CTNNA2: variants seen among roughly 807,000 people sequenced by gnomAD.
CTNNA2 encodes catenin alpha-2.
In CTNNA2, 42 loss-of-function variants were observed where a neutral mutation model predicts 101.0. The ratio of observed to expected loss-of-function variants is 0.42; its 90% CI spans 0.32 to 0.54. CTNNA2 has a LOEUF of 0.54. Among genes scored for constraint, CTNNA2 ranks in the 20% least tolerant of loss-of-function variants. The pLI is 0.14. For missense variants in CTNNA2, 871 were observed against 1,223.1 expected (o/e 0.71, Z 4.29); for synonymous variants, 450 against 456.4 (o/e 0.99, Z 0.18).
intron 8 of CTNNA2, among the ~76,000 whole-genome samples, chr2:80,404,009 G>T (rs113889845): frequency 0.043 from 6,609 of 152,192 alleles, 499 homozygotes; most frequent in African/African-American, 0.15. Context: ...TGTTTGGTTT[G>T]CCAGTATTTT....
At chr2:79,485,163 A>G (rs2104559407) in intron 4 of CTNNA2, among the ~76,000 whole-genome samples, 1 of 152,266 alleles carries the variant, frequency 6.6e-6, no homozygotes, top group African/African-American at 2.4e-5. Context: ...TTTTTTCAAA[A>G]GATCTATTTA....
At chr2:79,604,411 G>A (rs1396364789) in intron 1 of CTNNA2, among the ~76,000 whole-genome samples, 2 of 152,210 alleles carry the variant, frequency 1.3e-5, no homozygotes, top group Admixed American at 1.3e-4. Flanking sequence ...ACTAGACTGA[G>A]GGAGTTTTCG....
intron 9 of CTNNA2, among the ~76,000 whole-genome samples, chr2:80,421,973 C>T (rs980587562): frequency 6.6e-6 from 1 of 152,068 alleles, no homozygotes; most frequent in Non-Finnish European, 1.5e-5. Flanking sequence ...AATTCAGTTA[C>T]TAATTCTAAA....
intron 7 of CTNNA2, among the ~76,000 whole-genome samples, chr2:80,383,808 A>G (rs1676741010): frequency 6.6e-6 from 1 of 152,200 alleles, no homozygotes; most frequent in Non-Finnish European, 1.5e-5. Flanking sequence ...TAGCAATTTC[A>G]TTACTTGGGT....
intron 3 of CTNNA2, among the ~76,000 whole-genome samples, chr2:79,750,391 T>A (rs1481014121): frequency 6.6e-6 from 1 of 152,166 alleles, no homozygotes; most frequent in Non-Finnish European, 1.5e-5. Flanking sequence ...TGTTTATAGC[T>A]CCTCAGGTGA....
At chr2:80,276,834 G>C (rs1673948419) in intron 7 of CTNNA2, among the ~76,000 whole-genome samples, 1 of 152,064 alleles carries the variant, frequency 6.6e-6, no homozygotes, top group African/African-American at 2.4e-5. Flanking sequence ...GTTAGGCCCA[G>C]ACTCCAAAAT....
At position 79,729,380 on chromosome 2, in the gene CTNNA2, C is replaced by T. The variant is rs530703787; in HGVS notation, c.103-15007C>T. ...CACTTTTCAGAATGGGAAGCTGAGT[C>T]TCAGATTCAATCATTTGGCACCTAA... On this transcript the variant is annotated intron_variant, in intron 2 of 18. Coordinates refer to ENST00000402739, the MANE Select transcript of CTNNA2 (RefSeq NM_001282597.3). 3.4e-4 allele frequency among the ~76,000 whole-genome samples: 52 copies of T among 152,202 alleles called. No homozygotes were observed. In the South Asian group the frequency reaches 0.01, roughly 30 times the overall value.
chr2:79,857,998 G>C lies in CTNNA2; in HGVS notation c.299-15G>C, dbSNP rs201572950. On this transcript the variant is annotated splice_polypyrimidine_tract_variant and intron_variant, in intron 3 of 18. Transcript: ENST00000402739. ...CTCTTGTCTACCCACCTGCCTCTCC[G>C]TGTCTGTCTTCCAGGTGAGACGATG... is the stretch of plus-strand genomic sequence containing the variant. The C allele has an allele frequency of 1.9e-5, 31 of 1,604,624 alleles. No individual in the cohort carries two copies. The highest frequency in any genetic ancestry group is 3.3e-5 in the Admixed American group (2 of 59,846).
rs191999782 is a variant in CTNNA2 at position 79,681,754 on chromosome 2, A to G, written c.102+30096A>G. Among the ~76,000 whole-genome samples the G allele has an allele frequency of 5.9e-5, 9 of 152,338 alleles. No individual in the cohort carries two copies. The East Asian group carries it at 1.7e-3, about 29-fold the overall frequency. ...TAATATAGATATGGTTTGCATGCAAATGAGCAGACTTATTATGTACAAGTA... is the reference window on the plus strand; with the variant it reads ...TAATATAGATATGGTTTGCATGCAAGTGAGCAGACTTATTATGTACAAGTA... On this transcript the variant is annotated intron_variant, in intron 2 of 18. Coordinates refer to ENST00000402739, the MANE Select transcript of CTNNA2 (RefSeq NM_001282597.3).
chr2:80,552,446 A>G (rs1012339017), intron 11 of CTNNA2, among the ~76,000 whole-genome samples: 7 of 152,228 alleles, frequency 4.6e-5, no homozygotes, highest in Admixed American at 3.9e-4. Context: ...TAGCTTTTAC[A>G]TGTCTGCCAT....
intron 7 of CTNNA2, among the ~76,000 whole-genome samples, chr2:80,218,998 T>C (rs1422379763): frequency 6.6e-6 from 1 of 152,174 alleles, no homozygotes; most frequent in Admixed American, 6.5e-5. Flanking sequence ...AACCAGAATA[T>C]AATCACCTGT....
chr2:79,697,189 C>A lies in CTNNA2; in HGVS notation c.102+45531C>A, dbSNP rs559949557. Among the ~76,000 whole-genome samples, 5 of 151,978 alleles carry A rather than the reference C, an allele frequency of 3.3e-5. No individual in the cohort carries two copies. The South Asian group carries it at 1.0e-3, about 32-fold the overall frequency. On this transcript the variant is annotated intron_variant, in intron 2 of 18. Transcript: ENST00000402739. ...CATCTGAATCCTAATTTTAAAAATC[C>A]AAAATCACCAAAATGTTAAGTTTAA...
At chr2:80,619,029 T>C in intron 17 of CTNNA2, 56 bp from the exon 18 acceptor site, 2 of 1,194,874 alleles carry the variant, frequency 1.7e-6, no homozygotes, top group Non-Finnish European at 2.2e-6. Flanking sequence ...GTACTTTTTT[T>C]TTTTTTCTTT....
rs1161041209 is a variant in CTNNA2 at position 80,326,103 on chromosome 2, A to G, written c.1057-67108A>G. Among the ~76,000 whole-genome samples, 6 of 152,344 alleles carry G rather than the reference A, an allele frequency of 3.9e-5. No individual in the cohort carries two copies. In the East Asian group the frequency reaches 1.2e-3, roughly 29 times the overall value. On this transcript the variant is annotated intron_variant, in intron 7 of 18. Transcript: ENST00000402739. ...ATCATTTTCAAAGTCGCAGTGGTGA[A>G]AGTGAGAAATACATATTGAGGGAAC...
At chr2:80,099,200 A>C (rs995722107) in intron 7 of CTNNA2, among the ~76,000 whole-genome samples, 4 of 152,044 alleles carry the variant, frequency 2.6e-5, no homozygotes, top group African/African-American at 7.2e-5. Context: ...CAGATTCATT[A>C]AGAATAAGTC....
chr2:79,758,502 A>G (rs1004257410), intron 3 of CTNNA2, among the ~76,000 whole-genome samples: 3 of 152,208 alleles, frequency 2.0e-5, no homozygotes, highest in South Asian at 2.1e-4. Flanking sequence ...ACCTGGTTAT[A>G]TTGTGTGGTG....
At chr2:80,122,893 G>A (rs6759647) in intron 7 of CTNNA2, among the ~76,000 whole-genome samples, 43,638 of 151,926 alleles carry the variant, frequency 0.29, 7,140 homozygotes, top group East Asian at 0.51. Context: ...GCAGACTGCA[G>A]AGTCAGCTTA....
chr2:79,921,415 G>T (rs1232504035), intron 7 of CTNNA2, among the ~76,000 whole-genome samples: 1 of 152,080 alleles, frequency 6.6e-6, no homozygotes, highest in Non-Finnish European at 1.5e-5. Context: ...AATATGAGAG[G>T]AGACTCGTGA....
intron 7 of CTNNA2, among the ~76,000 whole-genome samples, chr2:80,085,291 C>T (rs1489478015): frequency 1.3e-5 from 2 of 152,012 alleles, no homozygotes; most frequent in East Asian, 3.9e-4. Context: ...AAATATGGCC[C>T]ATAATGCACT....
Sources: gnomAD v4.1 joint callset for allele counts (sites outside exome capture counted in the v4.1 genomes callset) on GRCh38, gnomAD v4.1.1 for gene constraint, MANE v1.5 for transcripts, NCBI Gene and HGNC (gene_info 2026-07-23, HGNC 2026-07-21) for gene names.